Variants in RALGPS2 observed in about 807,000 individuals in gnomAD.
RALGPS2 encodes the protein Ral GEF with PH domain and SH3 binding motif 2.
A neutral mutation model predicts 86.8 loss-of-function variants in RALGPS2; 43 were observed. That is an observed-to-expected ratio of 0.50 (90% CI 0.39 to 0.64). The LOEUF (loss-of-function observed/expected upper bound fraction) is 0.64, where lower values mean the gene tolerates loss of function less well. RALGPS2 is among the 30% of genes least tolerant of loss of function. The pLI is 0.00. For missense variants in RALGPS2, 536 were observed against 694.6 expected (o/e 0.77, Z 2.57); for synonymous variants, 243 against 231.3 (o/e 1.05, Z -0.46).
chr1:178,802,129 A>G (rs995464152), intron 4 of RALGPS2, among the ~76,000 whole-genome samples: 3 of 152,050 alleles, frequency 2.0e-5, no homozygotes, highest in Non-Finnish European at 4.4e-5. Context: ...ATAGCCTACC[A>G]TTGACTGGAA....
At chr1:178,869,242 G>A (rs1038580681) in intron 8 of RALGPS2, 2 of 152,028 alleles carry the variant, frequency 1.3e-5, no homozygotes, top group Non-Finnish European at 2.9e-5. Context: ...GAGAAGAAAC[G>A]AAAGTCAGGA....
intron 4 of RALGPS2, among the ~76,000 whole-genome samples, chr1:178,788,622 T>C (rs1653784252): frequency 6.6e-6 from 1 of 152,064 alleles, no homozygotes; most frequent in Non-Finnish European, 1.5e-5. Flanking sequence ...CAAAGGCCAG[T>C]GAGCTACAGT....
chr1:178,899,211 A>G (rs554412035), intron 17 of RALGPS2, among the ~76,000 whole-genome samples: 64 of 152,062 alleles, frequency 4.2e-4, no homozygotes, highest in African/African-American at 1.5e-3. Flanking sequence ...TTGCTTGTGC[A>G]TAAAGTTACT....
At chr1:178,862,228 T>C (rs934038868) in intron 8 of RALGPS2, among the ~76,000 whole-genome samples, 8 of 152,154 alleles carry the variant, frequency 5.3e-5, no homozygotes, top group Admixed American at 2.0e-4. Flanking sequence ...GGCCTATTGC[T>C]ACTGTAACTT....
intron 8 of RALGPS2, among the ~76,000 whole-genome samples, chr1:178,864,736 T>C (rs1453524878): frequency 6.6e-6 from 1 of 152,148 alleles, no homozygotes; most frequent in African/African-American, 2.4e-5. Flanking sequence ...CTGGTTTTTT[T>C]CACAGAATAC....
At chr1:178,763,153 T>G (rs1652333104) in intron 1 of RALGPS2, among the ~76,000 whole-genome samples, 1 of 152,226 alleles carries the variant, frequency 6.6e-6, no homozygotes, top group South Asian at 2.1e-4. Flanking sequence ...GATCAGATTG[T>G]AGGTGTATGG....
At chr1:178,783,651 T>A (rs1034484460) in intron 2 of RALGPS2, among the ~76,000 whole-genome samples, 2 of 152,162 alleles carry the variant, frequency 1.3e-5, no homozygotes, top group African/African-American at 4.8e-5. Flanking sequence ...GATTAATTTT[T>A]TTGCTGTTAT....
In RALGPS2 at chr1:178,901,982, C is replaced by T. The variant is rs1047226150; in HGVS notation, c.1525-124C>T. On this transcript the variant is annotated intron_variant, in intron 17 of 19. Transcript: ENST00000367635. ...TAAAAGGCCCCAGGCTGGCTGAGAC[C>T]AGCATGAAGTCACAAATCTCATCTT... 1.4e-4 allele frequency: 94 copies of T among 676,710 alleles called. No homozygotes were observed. The African/African-American group carries it at 1.6e-3, about 11-fold the overall frequency. 41.9% of individuals were successfully genotyped at this position (676,710 alleles called of 1,614,324 possible). A position where few individuals can be genotyped will look rare whatever the true frequency, so the allele number is the denominator to read the frequency against.
At chr1:178,828,390 C>T (rs1009972090) in intron 7 of RALGPS2, among the ~76,000 whole-genome samples, 6 of 152,198 alleles carry the variant, frequency 3.9e-5, no homozygotes, top group African/African-American at 1.4e-4. Flanking sequence ...CAAACCTATA[C>T]ACCATGTTAC....
At chr1:178,769,983 C>T (rs970361242) in intron 1 of RALGPS2, among the ~76,000 whole-genome samples, 1 of 151,120 alleles carries the variant, frequency 6.6e-6, no homozygotes, top group Non-Finnish European at 1.5e-5. Flanking sequence ...TTTCTGTTTT[C>T]CTTCCTGAAT....
At chr1:178,821,781 C>T (rs1343842903) in intron 7 of RALGPS2, 77 bp downstream of exon 7, 1 of 1,113,584 alleles carries the variant, frequency 9.0e-7, no homozygotes, top group African/African-American at 1.6e-5. Flanking sequence ...CTTTGTAATT[C>T]TTATTAAAGT....
intron 4 of RALGPS2, among the ~76,000 whole-genome samples, chr1:178,800,928 CTTT>C (rs200726651): frequency 1.4e-5 from 2 of 142,520 alleles, no homozygotes; most frequent in Non-Finnish European, 1.5e-5. Flanking sequence ...TATTCCCAAT[CTTT>C]TTTTTTTTTT....
At chr1:178,912,955 G>T (rs1165142043) in intron 19 of RALGPS2, among the ~76,000 whole-genome samples, 1 of 152,026 alleles carries the variant, frequency 6.6e-6, no homozygotes, top group Non-Finnish European at 1.5e-5. Flanking sequence ...CCTTGGTTTG[G>T]TCTATTCTGT....
chr1:178,727,012 A>G (rs1650056092), intron 1 of RALGPS2, among the ~76,000 whole-genome samples: 1 of 152,242 alleles, frequency 6.6e-6, no homozygotes, highest in Admixed American at 6.5e-5. Context: ...TATTATTTTA[A>G]CAAAGATAAC....
At chr1:178,774,387 A>G (rs1054377897) in intron 1 of RALGPS2, among the ~76,000 whole-genome samples, 6 of 152,254 alleles carry the variant, frequency 3.9e-5, no homozygotes, top group African/African-American at 1.4e-4. Context: ...AATAAATTGT[A>G]TATTTTGATA....
intron 1 of RALGPS2, among the ~76,000 whole-genome samples, chr1:178,736,041 G>T (rs1650681562): frequency 6.6e-6 from 1 of 151,864 alleles, no homozygotes; most frequent in Non-Finnish European, 1.5e-5. Context: ...AAGTATGTTT[G>T]CATACTCGCT....
At chr1:178,878,527 C>T (rs1659093988) in intron 9 of RALGPS2, among the ~76,000 whole-genome samples, 1 of 152,038 alleles carries the variant, frequency 6.6e-6, no homozygotes, top group African/African-American at 2.4e-5. Flanking sequence ...TTGCTTGAAA[C>T]TTACAAGGGG....
chr1:178,825,756 A>C (rs1394153910), intron 7 of RALGPS2, among the ~76,000 whole-genome samples: 1 of 152,216 alleles, frequency 6.6e-6, no homozygotes, highest in African/African-American at 2.4e-5. Flanking sequence ...CCTTGATCAT[A>C]CTAGCCACAT....
intron 1 of RALGPS2, among the ~76,000 whole-genome samples, chr1:178,735,146 A>G (rs1288486390): frequency 6.6e-6 from 1 of 152,344 alleles, no homozygotes; most frequent in East Asian, 1.9e-4. Flanking sequence ...TTATAGTATA[A>G]CACTGTACAG....
Sources: gnomAD v4.1 joint callset for allele counts (sites outside exome capture counted in the v4.1 genomes callset) on GRCh38, gnomAD v4.1.1 for gene constraint, MANE v1.5 for transcripts, NCBI Gene and HGNC (gene_info 2026-07-23, HGNC 2026-07-21) for gene names.